Variants in SORCS3 observed in about 807,000 individuals in gnomAD.
The protein encoded by SORCS3 is sortilin related VPS10 domain containing receptor 3.
Under a neutral mutation model 146.3 loss-of-function variants are expected in SORCS3, and 57 were observed. The ratio of observed to expected loss-of-function variants is 0.39; its 90% confidence interval spans 0.31 to 0.49. The LOEUF is 0.49. Among genes scored for constraint, SORCS3 ranks in the 20% least tolerant of loss-of-function variants. The pLI is 0.92. For missense variants in SORCS3, 1,341 were observed against 1,575.5 expected, an observed-to-expected ratio of 0.85 and a Z score of 2.52; for synonymous variants, 653 against 618.5, an observed-to-expected ratio of 1.06 and a Z score of -0.83.
intron 1 of SORCS3, among the ~76,000 whole-genome samples, chr10:104,778,393 T>C (rs1164316960): frequency 6.6e-6 from 1 of 152,238 alleles, no homozygotes; most frequent in Admixed American, 6.5e-5. Flanking sequence ...GTTGAACATT[T>C]GTTATTTGCC....
chr10:105,116,427 G>A (rs2055893859), intron 7 of SORCS3, among the ~76,000 whole-genome samples: 1 of 152,214 alleles, frequency 6.6e-6, no homozygotes, highest in Non-Finnish European at 1.5e-5. Flanking sequence ...TGGTGGATCA[G>A]TGCTGGTGGG....
At chr10:105,222,770 A>T (rs970569287) in intron 19 of SORCS3, among the ~76,000 whole-genome samples, 1 of 152,220 alleles carries the variant, frequency 6.6e-6, no homozygotes, top group African/African-American at 2.4e-5. Flanking sequence ...CAGGCTAATC[A>T]TCAATAACAA....
At chr10:104,813,491 G>C (rs1259112995) in intron 1 of SORCS3, among the ~76,000 whole-genome samples, 1 of 152,160 alleles carries the variant, frequency 6.6e-6, no homozygotes, top group Non-Finnish European at 1.5e-5. Flanking sequence ...GATCACAGAA[G>C]GGGCTTCAGT....
chr10:104,676,043 C>T (rs892947383), intron 1 of SORCS3, among the ~76,000 whole-genome samples: 4 of 152,134 alleles, frequency 2.6e-5, no homozygotes, highest in African/African-American at 9.7e-5. Context: ...GATTTATTCC[C>T]AGGGATCTGA....
chr10:105,070,396 G>A lies in SORCS3; in HGVS notation c.1029-19379G>A, dbSNP rs916328333. Among the ~76,000 whole-genome samples the A allele has an allele frequency of 5.3e-5, 8 of 152,312 alleles. No homozygotes were observed. The East Asian group carries it at 1.5e-3, about 29-fold the overall frequency. ...TATACCACCTCGGTGTCTCCAGTGA[G>A]TGTCTCCTTCAAGGCTATTTTCAGA... On this transcript the variant is annotated intron_variant, in intron 5 of 26. Transcript: ENST00000369701.
At chr10:104,747,596 C>CCA (rs2016926346) in intron 1 of SORCS3, among the ~76,000 whole-genome samples, 1 of 152,210 alleles carries the variant, frequency 6.6e-6, no homozygotes, top group South Asian at 2.1e-4. Flanking sequence ...GAAATGCTTC[C>CCA]CATATGTGGT....
Position 105,212,142 on chromosome 10 carries a change from G to A in SORCS3, c.2375+892G>A, listed in dbSNP as rs144991470. 4.3e-3 allele frequency among the ~76,000 whole-genome samples: 648 copies of A among 152,270 alleles called. 7 individuals carry two copies. Among genetic ancestry groups the A allele is most frequent in the African/African-American group, 0.015 (628 of 41,548 alleles). ...TAATCAGTTAGGTAGATGTAGATAG[G>A]TTGAGTACTATCTACCTAACTGATG... On this transcript the variant is annotated intron_variant, in intron 17 of 26. Coordinates refer to ENST00000369701, the MANE Select transcript of SORCS3 (RefSeq NM_014978.3).
chr10:104,904,782 C>T (rs920701887), intron 2 of SORCS3, among the ~76,000 whole-genome samples: 6 of 122,350 alleles, frequency 4.9e-5, no homozygotes, highest in African/African-American at 9.6e-5. Flanking sequence ...CTATCTTGTG[C>T]GTTATTATTT....
At chr10:104,741,980 T>G (rs2133461245) in intron 1 of SORCS3, among the ~76,000 whole-genome samples, 1 of 152,152 alleles carries the variant, frequency 6.6e-6, no homozygotes, top group East Asian at 1.9e-4. Flanking sequence ...AGTTGGGATT[T>G]TCCTTGTTCT....
rs571704077 is a variant in SORCS3, at chr10:105,180,402, G to A, written c.2009+2229G>A. Among the ~76,000 whole-genome samples, 4 of 152,348 alleles carry A rather than the reference G, an allele frequency of 2.6e-5. No homozygotes were observed. The South Asian group carries it at 8.3e-4, about 32-fold the overall frequency. Reference sequence around the variant, plus strand: ...CAGTGCTGAAAGCAAGGATTGGCATGTTGTAGGAAGTCAGTAATCGTTGAA... The same window carrying A: ...CAGTGCTGAAAGCAAGGATTGGCATATTGTAGGAAGTCAGTAATCGTTGAA... On this transcript the variant is annotated intron_variant, in intron 14 of 26. Transcript: ENST00000369701.
At chr10:104,996,811 A>G (rs532796853) in intron 4 of SORCS3, among the ~76,000 whole-genome samples, 1 of 152,302 alleles carries the variant, frequency 6.6e-6, no homozygotes, top group African/African-American at 2.4e-5. Context: ...ACTTAATAAT[A>G]GAAAAAAAAA....
At chr10:105,139,527 A>G (rs1438259628) in intron 8 of SORCS3, 41 bp downstream of exon 8, 1 of 1,505,262 alleles carries the variant, frequency 6.6e-7, no homozygotes, top group Non-Finnish European at 9.2e-7. Flanking sequence ...CCCTCTAGGC[A>G]AAGGGAGGGT....
chr10:105,141,278 G>A (rs1422910494), intron 8 of SORCS3, among the ~76,000 whole-genome samples: 1 of 152,082 alleles, frequency 6.6e-6, no homozygotes, highest in Non-Finnish European at 1.5e-5. Context: ...CCCTTTTATA[G>A]AGCCTCATCC....
chr10:104,850,161 C>T (rs544015694), intron 2 of SORCS3, among the ~76,000 whole-genome samples: 1 of 152,304 alleles, frequency 6.6e-6, no homozygotes, highest in African/African-American at 2.4e-5. Flanking sequence ...AGGGTGGGGC[C>T]ATGCATGTTT....
At chr10:105,109,978 G>T (rs1485845344) in intron 7 of SORCS3, among the ~76,000 whole-genome samples, 2 of 151,544 alleles carry the variant, frequency 1.3e-5, no homozygotes, top group South Asian at 2.1e-4. Flanking sequence ...TTCTATTTCA[G>T]TTTTGTAGTT....
intron 1 of SORCS3, among the ~76,000 whole-genome samples, chr10:104,643,612 G>A (rs1362749355): frequency 2.0e-5 from 3 of 152,136 alleles, no homozygotes; most frequent in South Asian, 2.1e-4. Flanking sequence ...AAGAGGACTT[G>A]GATATGTGTG....
chr10:104,651,818 A>G (rs2015564497), intron 1 of SORCS3, among the ~76,000 whole-genome samples: 1 of 152,274 alleles, frequency 6.6e-6, no homozygotes, highest in South Asian at 2.1e-4. Flanking sequence ...CACCAGCACC[A>G]GGGACCAGCT....
chr10:104,771,259 A>G (rs933127224), intron 1 of SORCS3, among the ~76,000 whole-genome samples: 1 of 152,218 alleles, frequency 6.6e-6, no homozygotes, highest in Admixed American at 6.5e-5. Context: ...TGCACATGAA[A>G]TTGAGAAGTG....
chr10:105,018,657 A>G (rs2055181777), intron 4 of SORCS3, among the ~76,000 whole-genome samples: 1 of 152,206 alleles, frequency 6.6e-6, no homozygotes, highest in South Asian at 2.1e-4. Context: ...TTTTGAAAAC[A>G]AAATATAGCA....
Sources: gnomAD v4.1 joint callset for allele counts (sites outside exome capture counted in the v4.1 genomes callset) on GRCh38, gnomAD v4.1.1 for gene constraint, MANE v1.5 for transcripts, NCBI Gene and HGNC (gene_info 2026-07-23, HGNC 2026-07-21) for gene names.